The following LINGO2 variants were observed in gnomAD, a reference collection of about 807,000 sequenced individuals.
LINGO2 encodes leucine rich repeat and Ig domain containing 2.
In LINGO2, 14 loss-of-function variants were observed where a neutral mutation model predicts 30.6. That is an observed-to-expected ratio of 0.46 (90% CI 0.30 to 0.72). LINGO2 has a LOEUF of 0.72. Ranked by LOEUF, LINGO2 falls within the 30% of genes least tolerant of loss-of-function variation. The pLI is 0.07. For synonymous variants in LINGO2, 317 were observed against 288.5 expected (o/e 1.10, Z -1.00); for missense variants, 729 against 751.7 (o/e 0.97, Z 0.35).
rs1292030779 is a variant in LINGO2, at chr9:28,329,643, T to C, written c.-245-34277A>G. ...TGCTATTCTCTCTGCCTGGAATAGT[T>C]TCCTTCCCACTCTCCCCTTCTTTCA... is the stretch of plus-strand genomic sequence containing the variant. On this transcript the variant is annotated intron_variant, in intron 3 of 5. Transcript: ENST00000379992. The surrounding 1 kb of genome is among the most constrained non-coding windows in gnomAD (Gnocchi z 4.5). Among the ~76,000 whole-genome samples the C allele has an allele frequency of 6.6e-6, 1 of 152,102 alleles. No homozygotes were observed. The highest frequency in any genetic ancestry group is 1.9e-4 in the East Asian group (1 of 5,160).
At chr9:28,134,744 A>G (rs1827469099) in intron 4 of LINGO2, among the ~76,000 whole-genome samples, 1 of 152,264 alleles carries the variant, frequency 6.6e-6, no homozygotes. Flanking sequence ...CAGATTAAAG[A>G]CAATGCCAGT....
the LINGO2 span, among the ~76,000 whole-genome samples, chr9:29,054,300 G>A: frequency 6.6e-6 from 1 of 152,132 alleles, no homozygotes; most frequent in African/African-American, 2.4e-5. Flanking sequence ...TCATGAAGCA[G>A]AAAAACAAAT....
rs74558074 is a variant in LINGO2 at position 28,330,897 on chromosome 9, C to T, written c.-245-35531G>A. Among the ~76,000 whole-genome samples, 725 of 152,184 alleles carry T rather than the reference C, an allele frequency of 4.8e-3. 8 individuals carry two copies. The highest frequency in any genetic ancestry group is 0.016 in the African/African-American group (677 of 41,500). On this transcript the variant is annotated intron_variant, in intron 3 of 5. Transcript: ENST00000379992. ...TGAAATTTCGTAATTCATTCTGCCT[C>T]ATTCAAAAAATAAGACAGATTTTCA... is the stretch of plus-strand genomic sequence containing the variant.
At chr9:28,263,503 C>T (rs1462108162) in intron 4 of LINGO2, among the ~76,000 whole-genome samples, 2 of 151,890 alleles carry the variant, frequency 1.3e-5, no homozygotes, top group Non-Finnish European at 2.9e-5. Context: ...TGCCTATCAT[C>T]CTATCTCAAG....
At chr9:29,101,406 T>G in the LINGO2 span, among the ~76,000 whole-genome samples, 1 of 152,186 alleles carries the variant, frequency 6.6e-6, no homozygotes, top group African/African-American at 2.4e-5. Flanking sequence ...AATTCCCACA[T>G]TCAGAGAATT....
chr9:27,969,739 C>T (rs574843576), intron 5 of LINGO2, among the ~76,000 whole-genome samples: 1 of 152,114 alleles, frequency 6.6e-6, no homozygotes, highest in Admixed American at 6.6e-5. Context: ...ACCAAAAAAA[C>T]CCTGAGTGGT....
the LINGO2 span, among the ~76,000 whole-genome samples, chr9:29,166,279 T>C: frequency 6.6e-6 from 1 of 152,166 alleles, no homozygotes; most frequent in Non-Finnish European, 1.5e-5. Context: ...AGTTATTCTG[T>C]TATTTCAGAA....
exon 6 of LINGO2, chr9:27,949,913 G>A (rs777260423): frequency 6.2e-7 from 1 of 1,614,080 alleles, no homozygotes; most frequent in South Asian, 1.1e-5. Context: ...TGACTGAAAG[G>A]GATGTGAGGT....
At chr9:29,203,930 A>G in the LINGO2 span, among the ~76,000 whole-genome samples, 1 of 152,222 alleles carries the variant, frequency 6.6e-6, no homozygotes, top group African/African-American at 2.4e-5. Flanking sequence ...TTTGTAACCA[A>G]AGAAAAAGGA....
At chr9:29,130,539 A>AGGG in the LINGO2 span, among the ~76,000 whole-genome samples, 1 of 152,158 alleles carries the variant, frequency 6.6e-6, no homozygotes, top group Non-Finnish European at 1.5e-5. Context: ...AGAATCCATA[A>AGGG]TTCCCCCAGA....
At chr9:29,085,410 C>A in the LINGO2 span, among the ~76,000 whole-genome samples, 1 of 145,930 alleles carries the variant, frequency 6.9e-6, no homozygotes, top group Admixed American at 6.9e-5. Flanking sequence ...TAATTGGTTA[C>A]TATGTATCAC....
At chr9:28,008,336 T>C (rs985902436) in intron 5 of LINGO2, among the ~76,000 whole-genome samples, 4 of 152,156 alleles carry the variant, frequency 2.6e-5, no homozygotes, top group South Asian at 2.1e-4. Context: ...ACATATAATA[T>C]AGATGATATC....
intron 4 of LINGO2, among the ~76,000 whole-genome samples, chr9:28,237,072 C>T (rs1431566413): frequency 7.6e-6 from 1 of 131,852 alleles, no homozygotes; most frequent in East Asian, 2.2e-4. Flanking sequence ...GGGTAAAAGA[C>T]ACAGTACAGT....
At chr9:28,349,000 C>T (rs1261592854) in intron 3 of LINGO2, among the ~76,000 whole-genome samples, 2 of 150,122 alleles carry the variant, frequency 1.3e-5, no homozygotes, top group Non-Finnish European at 3.0e-5. Context: ...CCCATCTGTA[C>T]ATCACCATCA....
the LINGO2 span, among the ~76,000 whole-genome samples, chr9:29,003,699 G>C: frequency 6.6e-6 from 1 of 151,942 alleles, no homozygotes; most frequent in African/African-American, 2.4e-5. Context: ...GGGTCAGAGA[G>C]AAGAGGTTAC....
intron 5 of LINGO2, among the ~76,000 whole-genome samples, chr9:27,994,415 G>GT (rs1453290082): frequency 6.6e-6 from 1 of 152,096 alleles, no homozygotes; most frequent in African/African-American, 2.4e-5. Context: ...AACCAAATAA[G>GT]TAAAATTGTT....
At chr9:28,720,124 A>G in the LINGO2 span, among the ~76,000 whole-genome samples, 58 of 152,082 alleles carry the variant, frequency 3.8e-4, 2 homozygotes, top group African/African-American at 1.4e-3. Context: ...CTAAAGTACT[A>G]CTAATGCCAA....
chr9:28,200,484 C>A (rs532487326), intron 4 of LINGO2, among the ~76,000 whole-genome samples: 124 of 151,472 alleles, frequency 8.2e-4, no homozygotes, highest in African/African-American at 2.9e-3. Context: ...TTGGGTAAAG[C>A]AGGTATAGTT....
intron 3 of LINGO2, among the ~76,000 whole-genome samples, chr9:28,357,324 C>CG (rs958938241): frequency 1.4e-5 from 2 of 145,936 alleles, no homozygotes; most frequent in African/African-American, 5.0e-5. Context: ...AGCCCACCCC[C>CG]CCCAAAAAAG....
Sources: allele counts gnomAD v4.1 joint callset (sites outside exome capture counted in the v4.1 genomes callset), GRCh38; gene constraint gnomAD v4.1.1; non-coding constraint Gnocchi (gnomAD v3.1); transcripts MANE v1.5; gene names NCBI Gene and HGNC (gene_info 2026-07-23, HGNC 2026-07-21).